The following ALDH1A3 variants were observed in gnomAD, a reference collection of about 807,000 sequenced individuals.
The protein encoded by ALDH1A3 is retinaldehyde dehydrogenase 3.
A neutral mutation model predicts 57.5 loss-of-function variants in ALDH1A3; 28 were observed. That is an observed-to-expected ratio of 0.49 (90% confidence interval 0.36 to 0.67). The LOEUF is 0.67. Ranked by LOEUF, ALDH1A3 falls within the 30% of genes least tolerant of loss-of-function variation. The pLI is 0.00. For synonymous variants in ALDH1A3, 281 were observed against 264.8 expected (o/e 1.06, Z -0.59); for missense variants, 507 against 669.4 (o/e 0.76, Z 2.68).
At chr15:100,891,070 C>T (rs752719252) in intron 3 of ALDH1A3, among the ~76,000 whole-genome samples, 30 of 152,110 alleles carry the variant, frequency 2.0e-4, no homozygotes, top group Admixed American at 3.9e-4. Context: ...ATCGCCAAGC[C>T]CTTCTCTGGT....
Position 100,889,574 on chromosome 15 carries a change from C to T in ALDH1A3, c.345+1862C>T, listed in dbSNP as rs552039481. On this transcript the variant is annotated intron_variant, in intron 3 of 12. Coordinates refer to ENST00000329841, the MANE Select transcript of ALDH1A3 (RefSeq NM_000693.4). This position sits in a 1 kb window ranked among gnomAD's most constrained non-coding sequence, Gnocchi z 5.1. ...CTGTTTTCACCCGGCATGAGCTCAT[C>T]GGTCGGCAATGTCCGTGTGGACTAA... Among the ~76,000 whole-genome samples, 4 of 152,320 alleles carry T rather than the reference C, an allele frequency of 2.6e-5. No homozygotes were observed. Among genetic ancestry groups the T allele is most frequent in the Non-Finnish European group, 5.9e-5 (4 of 68,022 alleles).
rs2041606011 is a variant in ALDH1A3, at chr15:100,887,382, C to T, written c.205-190C>T. Among the ~76,000 whole-genome samples the T allele has an allele frequency of 6.6e-6, 1 of 151,994 alleles. No homozygotes were observed. The highest frequency in any genetic ancestry group is 2.1e-4 in the South Asian group (1 of 4,812). On this transcript the variant is annotated intron_variant, in intron 2 of 12. Transcript: ENST00000329841. This position sits in a 1 kb window ranked among gnomAD's most constrained non-coding sequence, Gnocchi z 4.6. ...GATGACACCCAAACTGCAGTCACCT[C>T]AAAAGATGACACCGAAACTGCAGTC...
chr15:100,892,916 T>A, intron 4 of ALDH1A3, 29 bp from the exon 5 acceptor site: 1 of 1,611,708 alleles, frequency 6.2e-7, no homozygotes, highest in Non-Finnish European at 8.5e-7. Flanking sequence ...AGTGAGTGTG[T>A]CCTTCCCCAC....
intron 6 of ALDH1A3, 48 bp from the exon 7 acceptor site, chr15:100,895,885 G>A: frequency 6.7e-7 from 1 of 1,497,132 alleles, no homozygotes; most frequent in Non-Finnish European, 9.2e-7. Context: ...TGGATCCGTG[G>A]TGGATGAAGT....
In ALDH1A3 at chr15:100,894,182, C is replaced by CA; in HGVS notation, c.666+102dup. On this transcript the variant is annotated intron_variant, in intron 6 of 12. Transcript: ENST00000329841. The surrounding 1 kb of genome is among the most constrained non-coding windows in gnomAD (Gnocchi z 4.5). ...AGATGGGACAGTGGCAGACTGCTGGCAATCGAGTGGGAAGGGAATGACTTC... is the reference window on the plus strand; with the variant it reads ...AGATGGGACAGTGGCAGACTGCTGGCAAATCGAGTGGGAAGGGAATGACTTC... 7.0e-7 allele frequency: 1 copy of CA among 1,436,082 alleles called. No individual in the cohort carries two copies. Among genetic ancestry groups the CA allele is most frequent in the Non-Finnish European group, 9.5e-7 (1 of 1,054,094 alleles). The allele number at this position is 1,436,082 out of a possible 1,614,324, so 89.0% of individuals were successfully genotyped here. A position where few individuals can be genotyped will look rare whatever the true frequency, so the allele number is the denominator to read the frequency against.
In ALDH1A3 at chr15:100,894,465, C is replaced by T. The variant is rs765030628; in HGVS notation, c.666+383C>T. On this transcript the variant is annotated intron_variant, in intron 6 of 12. Coordinates refer to ENST00000329841, the MANE Select transcript of ALDH1A3 (RefSeq NM_000693.4). The surrounding 1 kb of genome is among the most constrained non-coding windows in gnomAD (Gnocchi z 4.5). ...CCATTTTTCTCTGGAGAGGTGGCCT[C>T]GTCAGCTCTAGCTGGGCGGCTGCAG... 20 of 202,410 alleles carry T rather than the reference C, an allele frequency of 9.9e-5. No homozygotes were observed. The highest frequency in any genetic ancestry group is 1.6e-4 in the Non-Finnish European group (16 of 98,372). The allele number at this position is 202,410 out of a possible 1,614,324, so 12.5% of individuals were successfully genotyped here. A position where few individuals can be genotyped will look rare whatever the true frequency, so the allele number is the denominator to read the frequency against.
At chr15:100,880,673 G>A (rs982146123) in intron 1 of ALDH1A3, 2 of 155,114 alleles carry the variant, frequency 1.3e-5, no homozygotes, top group Admixed American at 6.5e-5. Context: ...TCGCAGACCT[G>A]GGCCTTTGGG....
chr15:100,914,487 G>A, intron 12 of ALDH1A3: 1 of 486,104 alleles, frequency 2.1e-6, no homozygotes, highest in Non-Finnish European at 3.7e-6. Context: ...TCACACAGAA[G>A]AAGACCTTGA....
At position 100,892,946 on chromosome 15, in the gene ALDH1A3, T is replaced by C. The variant is rs753948027; in HGVS notation, c.477T>C (p.Asp159=). The C allele has an allele frequency of 1.6e-5, 26 of 1,613,986 alleles. No homozygotes were observed. Among genetic ancestry groups the C allele is most frequent in the Non-Finnish European group, 2.0e-5 (24 of 1,179,988 alleles). The change falls in exon 5 of 13, where the codon GAT becomes GAC. Residue 159 remains aspartate (D), a splice_region_variant and synonymous_variant. Transcript: ENST00000329841. The part of the protein sequence containing the change: ...DKIQGKTIPT[D]DNVVCFTRHE... Reference sequence around the variant, plus strand: ...CCCCACCATGTAACCCTCTTCCAGATGACAACGTCGTGTGCTTCACCAGGC... The same window carrying C: ...CCCCACCATGTAACCCTCTTCCAGACGACAACGTCGTGTGCTTCACCAGGC...
At position 100,893,113 on chromosome 15, in the gene ALDH1A3, T is replaced by G. The variant is rs2041667524; in HGVS notation, c.537+107T>G. ...TGTTTTTATCTGATTGCACCAGCGTTGAACAAGCATTTTCTTCGTGGCATG... is the reference window on the plus strand; with the variant it reads ...TGTTTTTATCTGATTGCACCAGCGTGGAACAAGCATTTTCTTCGTGGCATG... On this transcript the variant is annotated intron_variant, in intron 5 of 12. Transcript: ENST00000329841. This position sits in a 1 kb window ranked among gnomAD's most constrained non-coding sequence, Gnocchi z 4.8. 9.8e-7 allele frequency: 1 copy of G among 1,016,360 alleles called. No individual in the cohort carries two copies. The highest frequency in any genetic ancestry group is 1.4e-6 in the Non-Finnish European group (1 of 694,732). The allele number at this position is 1,016,360 out of a possible 1,614,324, so 63.0% of individuals were successfully genotyped here.
At chr15:100,901,103 C>T (rs2041763775) in intron 9 of ALDH1A3, among the ~76,000 whole-genome samples, 1 of 152,178 alleles carries the variant, frequency 6.6e-6, no homozygotes, top group Non-Finnish European at 1.5e-5. Flanking sequence ...CCTGGAGTCT[C>T]AGTCGCAGCC....
At chr15:100,905,134 T>G (rs2041810290) in intron 9 of ALDH1A3, among the ~76,000 whole-genome samples, 1 of 152,264 alleles carries the variant, frequency 6.6e-6, no homozygotes, top group Non-Finnish European at 1.5e-5. Flanking sequence ...AAATTCAGAT[T>G]CACTGGGCAT....
Position 100,908,474 on chromosome 15 carries a change from C to T in ALDH1A3, c.1458C>T (p.Gly486=), listed in dbSNP as rs200617229. ...PFGGFKMSGN[G]RELGEYALAE... is the part of the protein sequence containing the mutation. Reference sequence around the variant, plus strand: ...GTGGCTTTAAAATGTCAGGAAATGGCAGAGAACTGTAAGTGTTTCCATCAT... The same window carrying T: ...GTGGCTTTAAAATGTCAGGAAATGGTAGAGAACTGTAAGTGTTTCCATCAT... Residue 486 remains glycine (G), a synonymous_variant, in exon 12 of 13, where the codon GGC becomes GGT. Coordinates refer to ENST00000329841, the MANE Select transcript of ALDH1A3 (RefSeq NM_000693.4). 9.6e-5 allele frequency: 155 copies of T among 1,612,028 alleles called. 1 individual carries two copies. The South Asian group carries it at 1.6e-3, about 17-fold the overall frequency.
chr15:100,905,442 T>C (rs2141568438), intron 9 of ALDH1A3, 81 bp from the exon 10 acceptor site: 6 of 1,554,932 alleles, frequency 3.9e-6, no homozygotes, highest in Non-Finnish European at 5.3e-6. Context: ...TGGCTGATCA[T>C]GTTGAAGGCC....
intron 6 of ALDH1A3, chr15:100,895,729 C>A: frequency 1.7e-6 from 1 of 588,342 alleles, no homozygotes; most frequent in Non-Finnish European, 3.1e-6. Flanking sequence ...GCCCAGCCTG[C>A]ACACTGGGCT....
chr15:100,908,579 TCC>T, intron 12 of ALDH1A3, 97 bp downstream of exon 12: 1 of 1,070,942 alleles, frequency 9.3e-7, no homozygotes, highest in Non-Finnish European at 1.4e-6. Flanking sequence ...TGACACCCCG[TCC>T]CCCCCACACC....
At chr15:100,882,752 A>G (rs1189683067) in intron 1 of ALDH1A3, among the ~76,000 whole-genome samples, 4 of 152,234 alleles carry the variant, frequency 2.6e-5, no homozygotes, top group African/African-American at 9.6e-5. Context: ...CAAAGACAAC[A>G]ATTCCTTCTA....
At chr15:100,909,108 G>A (rs112163802) in intron 12 of ALDH1A3, among the ~76,000 whole-genome samples, 13 of 128,594 alleles carry the variant, frequency 1.0e-4, no homozygotes, top group African/African-American at 3.7e-4. Context: ...AAACCCCTCC[G>A]TGCGTGTGCA....
chr15:100,883,673 C>T (rs2041567635), intron 1 of ALDH1A3, among the ~76,000 whole-genome samples: 1 of 150,424 alleles, frequency 6.6e-6, no homozygotes, highest in South Asian at 2.1e-4. Context: ...AACATTCTAT[C>T]AACTTTTAAG....
Sources: gnomAD v4.1 joint callset for allele counts (sites outside exome capture counted in the v4.1 genomes callset) on GRCh38, gnomAD v4.1.1 for gene constraint, Gnocchi (gnomAD v3.1) non-coding constraint, MANE v1.5 for transcripts, NCBI Gene and HGNC (gene_info 2026-07-23, HGNC 2026-07-21) for gene names.